DLC1: variants seen among roughly 807,000 people sequenced by gnomAD.
The protein encoded by DLC1 is DLC1 Rho GTPase activating protein.
Under a neutral mutation model 140.3 loss-of-function variants are expected in DLC1, and 54 were observed. That is an observed-to-expected ratio of 0.38 (90% CI 0.31 to 0.48). The LOEUF is 0.48. DLC1 is among the 20% of genes least tolerant of loss of function. The probability of loss-of-function intolerance (pLI) is 0.96; values close to 1 mark genes in which losing one functional copy is unlikely to be tolerated. For synonymous variants in DLC1, 986 were observed against 728.1 expected (o/e 1.35, Z -5.70); for missense variants, 2,536 against 1,907.0 (o/e 1.33, Z -6.14).
chr8:13,189,631 C>T (rs1181846338), intron 5 of DLC1, among the ~76,000 whole-genome samples: 1 of 152,072 alleles, frequency 6.6e-6, no homozygotes, highest in African/African-American at 2.4e-5. Flanking sequence ...GCCTGTAATC[C>T]CAGCACTTTG....
chr8:13,304,064 T>G (rs1007200802), intron 5 of DLC1, among the ~76,000 whole-genome samples: 1 of 152,206 alleles, frequency 6.6e-6, no homozygotes, highest in Non-Finnish European at 1.5e-5. Flanking sequence ...TTCTGTTATA[T>G]ACTTTGTTTA....
chr8:13,276,638 G>A, intron 5 of DLC1: 1 of 1,196,916 alleles, frequency 8.4e-7, no homozygotes, highest in Non-Finnish European at 1.0e-6. Flanking sequence ...CGGGGCGCGC[G>A]AGCTGCAGCA....
At chr8:13,563,145 G>A (rs150200055) in intron 1 of DLC1, among the ~76,000 whole-genome samples, 79 of 152,010 alleles carry the variant, frequency 5.2e-4, no homozygotes, top group East Asian at 3.9e-4. Context: ...TTTGTACTTC[G>A]GAAGTGTTAG....
rs1261333481 is a variant in DLC1, at chr8:13,110,777, A to T, written c.1467T>A (p.Asp489Glu). The part of the protein sequence containing the change: ...IDISLVKREH[D>E]FLDRDAIEAL... ...CCTCAATGGCATCTCTGTCCAAAAA[A>T]TCATGCTCTCTCTTGACCAAGGAAA... is the stretch of plus-strand genomic sequence containing the variant. The change falls in exon 7 of 18, where the codon GAT (aspartate) becomes GAA (glutamate). Residue 489 changes from aspartate to glutamate, a missense_variant. By Grantham distance (45) the Asp-to-Glu change is conservative. Transcript: ENST00000276297. 6.2e-7 allele frequency: 1 copy of T among 1,613,984 alleles called. No individual in the cohort carries two copies. The highest frequency in any genetic ancestry group is 8.5e-7 in the Non-Finnish European group (1 of 1,180,034).
At chr8:13,169,767 T>C (rs929007856) in intron 5 of DLC1, among the ~76,000 whole-genome samples, 1 of 152,130 alleles carries the variant, frequency 6.6e-6, no homozygotes, top group Non-Finnish European at 1.5e-5. Flanking sequence ...CTCTAGTCTG[T>C]AATCCCAGCA....
intron 3 of DLC1, among the ~76,000 whole-genome samples, chr8:13,399,885 C>G (rs1355948882): frequency 2.0e-5 from 3 of 152,080 alleles, no homozygotes; most frequent in Non-Finnish European, 2.9e-5. Context: ...CACTTTGTGT[C>G]TTGTTCTTCC....
At chr8:13,501,365 G>T (rs75420272) in intron 1 of DLC1, among the ~76,000 whole-genome samples, 3,964 of 152,182 alleles carry the variant, frequency 0.026, 168 homozygotes, top group African/African-American at 0.09. Flanking sequence ...TTATAAAAAT[G>T]ACTAACCCAA....
chr8:13,451,352 C>T (rs1445825428), intron 2 of DLC1, among the ~76,000 whole-genome samples: 2 of 152,132 alleles, frequency 1.3e-5, no homozygotes, highest in African/African-American at 2.4e-5. Flanking sequence ...CCTCACGCAT[C>T]TACCCTTTGT....
chr8:13,284,574 C>T (rs910259542), intron 5 of DLC1, among the ~76,000 whole-genome samples: 6 of 147,264 alleles, frequency 4.1e-5, no homozygotes, highest in African/African-American at 1.3e-4. Flanking sequence ...ATAGAAAGCC[C>T]TGAAATTAAA....
rs147595203 is a variant in DLC1, at chr8:13,091,570, G to A, written c.3741-138C>T. On this transcript the variant is annotated intron_variant, in intron 13 of 17. Coordinates refer to ENST00000276297, the MANE Select transcript of DLC1 (RefSeq NM_182643.3). ...GTTTATTGTTAAGTGGATTAAGAGTGTTTTTACTTTGGTCACCAGAGTATC... is the reference window on the plus strand; with the variant it reads ...GTTTATTGTTAAGTGGATTAAGAGTATTTTTACTTTGGTCACCAGAGTATC... The A allele has an allele frequency of 1.4e-5, 9 of 661,848 alleles. No individual in the cohort carries two copies. In the East Asian group the frequency reaches 1.4e-4, roughly 10 times the overall value. 41.0% of individuals were successfully genotyped at this position (661,848 alleles called of 1,614,324 possible).
chr8:13,164,538 G>T (rs78016006), intron 5 of DLC1, among the ~76,000 whole-genome samples: 3,086 of 152,062 alleles, frequency 0.02, 94 homozygotes, highest in African/African-American at 0.065. Context: ...CCCTTTGAAG[G>T]TCCTCTTGGC....
At chr8:13,283,578 C>T (rs111617817) in intron 5 of DLC1, among the ~76,000 whole-genome samples, 80 of 152,164 alleles carry the variant, frequency 5.3e-4, no homozygotes, top group African/African-American at 1.6e-3. Context: ...TGTAGTGGTG[C>T]GATCTTGGCT....
intron 5 of DLC1, among the ~76,000 whole-genome samples, chr8:13,292,661 G>A (rs571942247): frequency 4.6e-5 from 7 of 151,966 alleles, no homozygotes; most frequent in Admixed American, 6.6e-5. Context: ...TGCTCCCCAC[G>A]TCCTACGTAC....
chr8:13,377,869 A>G (rs1053825205), intron 4 of DLC1, among the ~76,000 whole-genome samples: 2 of 151,886 alleles, frequency 1.3e-5, no homozygotes, highest in Non-Finnish European at 2.9e-5. Context: ...GTGAAGTGAT[A>G]TAATTTGACC....
rs570726856 is a variant in DLC1, at chr8:13,131,432, C to G, written c.1349-15775G>C. ...CCAAATACATCATCAATGCCACCAGCCTAGGCTGCATTCCTCTATGTCACC... is the reference window on the plus strand; with the variant it reads ...CCAAATACATCATCAATGCCACCAGGCTAGGCTGCATTCCTCTATGTCACC... On this transcript the variant is annotated intron_variant, in intron 5 of 17. Transcript: ENST00000276297. 3.5e-4 allele frequency among the ~76,000 whole-genome samples: 53 copies of G among 152,346 alleles called. 1 individual carries two copies. The highest frequency in any genetic ancestry group is 1.2e-3 in the African/African-American group (50 of 41,590).
Position 13,587,077 on chromosome 8 carries a change from T to TACACACACACACAC in DLC1, c.-126+17446_-126+17459dup, listed in dbSNP as rs3066501. ...ACAAGCTCCACTTGGGAAAATAGTT[T>TACACACACACACAC]ACACACACACACACACACACACACA... is the stretch of plus-strand genomic sequence containing the variant. On this transcript the variant is annotated intron_variant, in intron 1 of 1. Coordinates refer to the DLC1 transcript ENST00000631382. Among the ~76,000 whole-genome samples the TACACACACACACAC allele has an allele frequency of 9.8e-5, 14 of 142,910 alleles. No individual in the cohort carries two copies. In the South Asian group the frequency reaches 1.4e-3, roughly 14 times the overall value. 93.8% of individuals were successfully genotyped at this position (142,910 alleles called of 152,430 possible).
chr8:13,453,344 G>A (rs1435157108), intron 2 of DLC1, among the ~76,000 whole-genome samples: 1 of 134,100 alleles, frequency 7.5e-6, no homozygotes, highest in East Asian at 2.4e-4. Context: ...TATTAAAATA[G>A]AGAAATTCAT....
At chr8:13,495,986 TC>T (rs1801482825) in intron 2 of DLC1, among the ~76,000 whole-genome samples, 1 of 152,210 alleles carries the variant, frequency 6.6e-6, no homozygotes, top group South Asian at 2.1e-4. Context: ...TGATTACAAT[TC>T]CATAACTAAA....
chr8:13,501,487 G>A (rs1201736894), intron 1 of DLC1, among the ~76,000 whole-genome samples: 1 of 152,136 alleles, frequency 6.6e-6, no homozygotes, highest in Admixed American at 6.5e-5. Context: ...CACAACATGG[G>A]TTGAGTTACT....
Sources: gnomAD v4.1 joint callset for allele counts (sites outside exome capture counted in the v4.1 genomes callset) on GRCh38, gnomAD v4.1.1 for gene constraint, MANE v1.5 for transcripts, NCBI Gene and HGNC (gene_info 2026-07-23, HGNC 2026-07-21) for gene names.